The following SCAMP2 variants were observed in gnomAD, a reference collection of about 807,000 sequenced individuals.
The protein encoded by SCAMP2 is secretory carrier-associated membrane protein 2.
Under a neutral mutation model 44.1 loss-of-function variants are expected in SCAMP2, and 25 were observed. The observed-to-expected ratio is 0.57, with a 90% confidence interval of 0.41 to 0.79. The LOEUF (loss-of-function observed/expected upper bound fraction) is 0.79, where lower values mean the gene tolerates loss of function less well. Ranked by LOEUF, SCAMP2 falls within the 30% of genes least tolerant of loss-of-function variation. SCAMP2 has a pLI of 0.00. For missense variants in SCAMP2, 355 were observed against 411.0 expected (o/e 0.86, Z 1.18); for synonymous variants, 156 against 166.0 (o/e 0.94, Z 0.46).
At chr15:74,859,400 G>A (rs910329644) in intron 1 of SCAMP2, among the ~76,000 whole-genome samples, 4 of 152,038 alleles carry the variant, frequency 2.6e-5, no homozygotes, top group Non-Finnish European at 5.9e-5. Context: ...GCAAGGTGCA[G>A]AGCAAAAAAC....
intron 7 of SCAMP2, among the ~76,000 whole-genome samples, chr15:74,846,463 GAAAAGAA>G (rs1335874136): frequency 2.7e-4 from 30 of 113,100 alleles, no homozygotes; most frequent in Admixed American, 1.2e-3. Flanking sequence ...AAAAAAAAAA[GAAAAGAA>G]AAAAGAAAAA....
chr15:74,861,375 T>C (rs1289691078), intron 1 of SCAMP2, among the ~76,000 whole-genome samples: 1 of 152,060 alleles, frequency 6.6e-6, no homozygotes, highest in Non-Finnish European at 1.5e-5. Flanking sequence ...ACAATTGACC[T>C]TGGTGCTCTC....
Position 74,851,496 on chromosome 15 carries a change from AAG to A in SCAMP2, c.344-17_344-16del, listed in dbSNP as rs2064435465. The A allele has an allele frequency of 6.2e-7, 1 of 1,613,216 alleles. No homozygotes were observed. The highest frequency in any genetic ancestry group is 1.3e-5 in the African/African-American group (1 of 74,900). On this transcript the variant is annotated splice_polypyrimidine_tract_variant and intron_variant, in intron 4 of 8. Coordinates refer to ENST00000268099, the MANE Select transcript of SCAMP2 (RefSeq NM_005697.5). ...GTTCTGTCTCACTGGGTAGGGCAAA[AAG>A]AGTGACGAGGTAAGGGCCCAGCCTC...
Position 74,850,592 on chromosome 15 carries a change from C to A in SCAMP2, c.554G>T (p.Gly185Val), listed in dbSNP as rs754749909. 1 of 1,613,992 alleles carries A rather than the reference C, an allele frequency of 6.2e-7. No individual in the cohort carries two copies. The highest frequency in any genetic ancestry group is 1.1e-5 in the South Asian group (1 of 91,084). Reference sequence around the variant, plus strand: ...GATCAGAAACCACAGGATGGAGAGGCCAAAGTCCACTCCCTTGGAGCTGTT... The same window carrying A: ...GATCAGAAACCACAGGATGGAGAGGACAAAGTCCACTCCCTTGGAGCTGTT... Reference protein sequence around the residue: ...SGNSSKGVDFGLSILWFLIFT... With the variant: ...SGNSSKGVDFVLSILWFLIFT... Residue 185 changes from glycine to valine, a missense_variant, in exon 6 of 9, where the codon GGC becomes GTC. By Grantham distance (109) the Gly-to-Val change is moderately radical. Transcript: ENST00000268099.
At chr15:74,867,009 C>G (rs1170981676) in intron 1 of SCAMP2, among the ~76,000 whole-genome samples, 2 of 152,156 alleles carry the variant, frequency 1.3e-5, no homozygotes, top group African/African-American at 2.4e-5. Flanking sequence ...ATTGGCCAGG[C>G]TGGTCTCGAA....
At chr15:74,858,999 T>C (rs756697654) in intron 1 of SCAMP2, among the ~76,000 whole-genome samples, 10 of 151,714 alleles carry the variant, frequency 6.6e-5, no homozygotes, top group East Asian at 5.9e-4. Flanking sequence ...TTAGTAGAGA[T>C]AGGTTTCACT....
At chr15:74,871,283 T>G (rs2064573111) in intron 1 of SCAMP2, among the ~76,000 whole-genome samples, 1 of 152,048 alleles carries the variant, frequency 6.6e-6, no homozygotes, top group Non-Finnish European at 1.5e-5. Flanking sequence ...GCGAGACCCC[T>G]TCTCTACAAA....
intron 1 of SCAMP2, among the ~76,000 whole-genome samples, chr15:74,865,921 G>A (rs546084988): frequency 1.4e-5 from 2 of 139,112 alleles, no homozygotes; most frequent in South Asian, 2.3e-4. Context: ...ACTGCACTTC[G>A]GCCTAGGCAA....
At chr15:74,845,708 C>G in intron 7 of SCAMP2, 115 bp from the exon 8 acceptor site, 1 of 1,313,006 alleles carries the variant, frequency 7.6e-7, no homozygotes, top group South Asian at 1.3e-5. Context: ...TGGCATCTCC[C>G]CACAGCACAG....
intron 1 of SCAMP2, among the ~76,000 whole-genome samples, chr15:74,871,548 T>A (rs2064575337): frequency 6.6e-6 from 1 of 150,756 alleles, no homozygotes; most frequent in Non-Finnish European, 1.5e-5. Context: ...AGGTCGGGAG[T>A]TCGAGACCAG....
At chr15:74,866,433 G>A (rs1033788453) in intron 1 of SCAMP2, among the ~76,000 whole-genome samples, 6 of 151,984 alleles carry the variant, frequency 3.9e-5, no homozygotes, top group Non-Finnish European at 7.4e-5. Context: ...TTTTCTGGCC[G>A]GGCGTGGTGG....
At position 74,844,647 on chromosome 15, in the gene SCAMP2, G is replaced by C. The variant is rs1165903026; in HGVS notation, c.*436C>G. The C allele has an allele frequency of 6.3e-6, 1 of 158,130 alleles. No homozygotes were observed. The highest frequency in any genetic ancestry group is 1.4e-5 in the Non-Finnish European group (1 of 71,542). The allele number at this position is 158,130 out of a possible 1,614,324, so 9.8% of individuals were successfully genotyped here. A position where few individuals can be genotyped will look rare whatever the true frequency, so the allele number is the denominator to read the frequency against. ...AGAGGCTTATTCCCAGCCCAGGCAGGAAGGACTGGGCTGTGTCTAAGAAGC... is the reference window on the plus strand; with the variant it reads ...AGAGGCTTATTCCCAGCCCAGGCAGCAAGGACTGGGCTGTGTCTAAGAAGC... On this transcript the variant is annotated 3_prime_UTR_variant, in exon 9 of 9. Transcript: ENST00000268099.
intron 1 of SCAMP2, among the ~76,000 whole-genome samples, chr15:74,857,544 G>A (rs1490168192): frequency 6.6e-6 from 1 of 152,184 alleles, no homozygotes; most frequent in Non-Finnish European, 1.5e-5. Flanking sequence ...AGGAAGAGGG[G>A]CCACTCTGGT....
At chr15:74,847,086 A>ATTTTTTTT (rs34231883) in intron 7 of SCAMP2, among the ~76,000 whole-genome samples, 23 of 109,302 alleles carry the variant, frequency 2.1e-4, no homozygotes, top group East Asian at 5.8e-4. Context: ...TTGTCAGTTA[A>ATTTTTTTT]TTTTTTTTTT....
intron 7 of SCAMP2, among the ~76,000 whole-genome samples, chr15:74,846,531 A>G (rs897727939): frequency 7.9e-5 from 12 of 152,170 alleles, no homozygotes; most frequent in Non-Finnish European, 1.6e-4. Context: ...TGGGAGGCCA[A>G]GATGGGCGGA....
chr15:74,847,560 C>T (rs930402165), intron 7 of SCAMP2, among the ~76,000 whole-genome samples: 23 of 152,188 alleles, frequency 1.5e-4, no homozygotes, highest in African/African-American at 4.1e-4. Flanking sequence ...GGGAGGGCAG[C>T]GTGCACTTGT....
At chr15:74,867,145 G>A (rs1190647851) in intron 1 of SCAMP2, among the ~76,000 whole-genome samples, 8 of 152,150 alleles carry the variant, frequency 5.3e-5, no homozygotes, top group South Asian at 2.1e-4. Flanking sequence ...ATCACATACT[G>A]TGCTCATTTA....
In SCAMP2 at chr15:74,873,312, AC is replaced by A; in HGVS notation, c.-58del. 6.9e-7 allele frequency: 1 copy of A among 1,440,554 alleles called. No individual in the cohort carries two copies. The allele number at this position is 1,440,554 out of a possible 1,614,324, so 89.2% of individuals were successfully genotyped here. On this transcript the variant is annotated 5_prime_UTR_variant, in exon 1 of 9. Transcript: ENST00000268099. ...AACGCTGCTGCCTCCGGGCACCCAG[AC>A]CCAGCGGCGCTTCGTGTAGACCCTC...
In SCAMP2 at chr15:74,848,604, C is replaced by A; in HGVS notation, c.730G>T (p.Asp244Tyr). 1 of 1,597,046 alleles carries A rather than the reference C, an allele frequency of 6.3e-7. No individual in the cohort carries two copies. Among genetic ancestry groups the A allele is most frequent in the Non-Finnish European group, 8.6e-7 (1 of 1,164,600 alleles). Residue 244 changes from aspartate (D) to tyrosine (Y), a missense_variant, in exon 7 of 9, where the codon GAC becomes TAC. Asp to Tyr is a radical substitution (Grantham distance 160). Coordinates refer to ENST00000268099, the MANE Select transcript of SCAMP2 (RefSeq NM_005697.5). ...TCTGTGATGCCCAGGTCTCACCTGT[C>A]CCCCAGGCCAGGGATGCCAACCAAC... The part of the protein sequence containing the change: ...IQLVGIPGLG[D>Y]SGWIAALSTL...
Sources: allele counts gnomAD v4.1 joint callset (sites outside exome capture counted in the v4.1 genomes callset), GRCh38; gene constraint gnomAD v4.1.1; transcripts MANE v1.5; gene names NCBI Gene and HGNC (gene_info 2026-07-23, HGNC 2026-07-21).